The following TCF7L1 variants were observed in gnomAD, a reference collection of about 807,000 sequenced individuals.
The protein encoded by TCF7L1 is transcription factor 7-like 1.
In TCF7L1, 18 loss-of-function variants were observed where a neutral mutation model predicts 63.7. That is an observed-to-expected ratio of 0.28 (90% CI 0.20 to 0.42). TCF7L1 has a LOEUF of 0.42. Ranked by LOEUF, TCF7L1 falls within the 10% of genes least tolerant of loss-of-function variation. The pLI, the probability that TCF7L1 is intolerant of heterozygous loss-of-function variation, is 1.00. For missense variants in TCF7L1, 654 were observed against 779.3 expected (o/e 0.84, Z 1.91); for synonymous variants, 355 against 340.9 (o/e 1.04, Z -0.46).
chr2:85,300,185 T>G (rs1681937153), intron 4 of TCF7L1, among the ~76,000 whole-genome samples: 1 of 152,156 alleles, frequency 6.6e-6, no homozygotes, highest in South Asian at 2.1e-4. Context: ...GTGCTTCTAT[T>G]TAGCCTTTTT....
At position 85,306,358 on chromosome 2, in the gene TCF7L1, G is replaced by T; in HGVS notation, c.1142G>T (p.Gly381Val). 6.2e-7 allele frequency: 1 copy of T among 1,614,192 alleles called. No individual in the cohort carries two copies. Among genetic ancestry groups the T allele is most frequent in the Non-Finnish European group, 8.5e-7 (1 of 1,180,026 alleles). Residue 381 changes from glycine (G) to valine (V), a missense_variant, in exon 9 of 12, where the codon GGA (glycine) becomes GTA (valine). Physicochemically the swap from Gly to Val is moderately radical, Grantham distance 109. Around this residue, in one of 3 missense-constraint regions of TCF7L1, gnomAD observed 66 missense variants for 120.5 expected, o/e 0.55. Coordinates refer to ENST00000282111, the MANE Select transcript of TCF7L1 (RefSeq NM_031283.3). This position sits in a 1 kb window ranked among gnomAD's most constrained non-coding sequence, Gnocchi z 4.3. The part of the protein sequence containing the change: ...KESAAINQIL[G>V]RKWHNLSREE... ...AGTGCAGCCATTAACCAGATCCTTG[G>T]AAGAAAGGTAAGACCTGCCCTCTCC...
intron 3 of TCF7L1, among the ~76,000 whole-genome samples, chr2:85,280,019 A>C (rs1681372908): frequency 6.6e-6 from 1 of 152,230 alleles, no homozygotes; most frequent in Non-Finnish European, 1.5e-5. Context: ...CTTACTATGA[A>C]TGTGTGTACA....
At chr2:85,184,166 A>C (rs1483416403) in intron 3 of TCF7L1, among the ~76,000 whole-genome samples, 1 of 152,180 alleles carries the variant, frequency 6.6e-6, no homozygotes, top group Non-Finnish European at 1.5e-5. Context: ...CTTTGGGAAG[A>C]AAAGGAGGTG....
At chr2:85,258,160 G>A (rs1169862638) in intron 3 of TCF7L1, among the ~76,000 whole-genome samples, 49 of 152,164 alleles carry the variant, frequency 3.2e-4, no homozygotes, top group African/African-American at 2.4e-5. Flanking sequence ...AAAACCACAC[G>A]ACACAGTGTG....
intron 3 of TCF7L1, among the ~76,000 whole-genome samples, chr2:85,141,500 T>C (rs1478057817): frequency 1.3e-5 from 2 of 152,162 alleles, no homozygotes; most frequent in East Asian, 1.9e-4. Flanking sequence ...TCTATCCCGG[T>C]GTACCTTCCA....
At chr2:85,148,939 C>T (rs1277936674) in intron 3 of TCF7L1, among the ~76,000 whole-genome samples, 3 of 151,996 alleles carry the variant, frequency 2.0e-5, no homozygotes, top group African/African-American at 7.2e-5. Flanking sequence ...CCACCACACC[C>T]AGCTAATTTT....
chr2:85,262,148 A>G, intron 3 of TCF7L1: 1 of 546,798 alleles, frequency 1.8e-6, no homozygotes, highest in Non-Finnish European at 3.7e-6. Context: ...ATCTAATAAC[A>G]AGGTTCGTAT....
chr2:85,256,556 T>A (rs1227161544), intron 3 of TCF7L1, among the ~76,000 whole-genome samples: 1 of 152,240 alleles, frequency 6.6e-6, no homozygotes, highest in Non-Finnish European at 1.5e-5. Context: ...GCCTTGTGTG[T>A]GTAGGCGGGA....
chr2:85,161,528 G>C (rs1159011580), intron 3 of TCF7L1, among the ~76,000 whole-genome samples: 1 of 152,218 alleles, frequency 6.6e-6, no homozygotes, highest in Non-Finnish European at 1.5e-5. Context: ...TCCTGGGATG[G>C]GGATGGCTGG....
chr2:85,134,038 T>G lies in TCF7L1; in HGVS notation c.272T>G (p.Val91Gly). 1 of 1,611,024 alleles carries G rather than the reference T, an allele frequency of 6.2e-7. No homozygotes were observed. The highest frequency in any genetic ancestry group is 1.3e-5 in the African/African-American group (1 of 74,638). Residue 91 changes from valine to glycine, a missense_variant, in exon 2 of 12, where the codon GTC (valine) becomes GGC (glycine). Around this residue, in one of 3 missense-constraint regions of TCF7L1, gnomAD observed 404 missense variants for 454.8 expected, o/e 0.89. Transcript: ENST00000282111. The surrounding 1 kb of genome is among the most constrained non-coding windows in gnomAD (Gnocchi z 5.0). ...DSEAERRPQP[V>G]RDTFQKPRDY... Reference sequence around the variant, plus strand: ...CAGGCGGAGAGGCGCCCGCAGCCCGTCCGGGACACTTTCCAGAAGCCGCGG... The same window carrying G: ...CAGGCGGAGAGGCGCCCGCAGCCCGGCCGGGACACTTTCCAGAAGCCGCGG...
chr2:85,153,340 A>ATGTTTTTTTT (rs750002994), intron 3 of TCF7L1, among the ~76,000 whole-genome samples: 3 of 102,308 alleles, frequency 2.9e-5, no homozygotes, highest in African/African-American at 4.2e-5. Flanking sequence ...GCCTTTATAA[A>ATGTTTTTTTT]TTTTTTTTTT....
chr2:85,147,808 C>T (rs565555345), intron 3 of TCF7L1, among the ~76,000 whole-genome samples: 23 of 152,226 alleles, frequency 1.5e-4, no homozygotes, highest in African/African-American at 5.5e-4. Flanking sequence ...GCCCCACATC[C>T]TCGTGCATGT....
At chr2:85,302,377 G>T in intron 4 of TCF7L1, 107 bp from the exon 5 acceptor site, 1 of 1,483,766 alleles carries the variant, frequency 6.7e-7, no homozygotes, top group Non-Finnish European at 9.3e-7. Flanking sequence ...GGACTGAATG[G>T]GATGTTGCCT....
chr2:85,275,407 G>A (rs1681247710), intron 3 of TCF7L1, among the ~76,000 whole-genome samples: 1 of 152,156 alleles, frequency 6.6e-6, no homozygotes. Flanking sequence ...ATAGTTTTGA[G>A]ATCATCCACA....
At chr2:85,182,740 G>A (rs1276330394) in intron 3 of TCF7L1, among the ~76,000 whole-genome samples, 1 of 152,208 alleles carries the variant, frequency 6.6e-6, no homozygotes, top group Non-Finnish European at 1.5e-5. Context: ...CCCCATCACG[G>A]TCCAATGCAA....
At chr2:85,147,732 CA>C (rs886290125) in intron 3 of TCF7L1, among the ~76,000 whole-genome samples, 1 of 152,068 alleles carries the variant, frequency 6.6e-6, no homozygotes, top group African/African-American at 2.4e-5. Context: ...ATCTATACAC[CA>C]TATGTAATAA....
At chr2:85,179,911 C>T (rs1297411427) in intron 3 of TCF7L1, among the ~76,000 whole-genome samples, 4 of 152,172 alleles carry the variant, frequency 2.6e-5, no homozygotes, top group Non-Finnish European at 5.9e-5. Context: ...ACTTAAAGCT[C>T]TGTTCTTTGA....
chr2:85,270,309 CT>C (rs759858402), intron 3 of TCF7L1, among the ~76,000 whole-genome samples: 4 of 152,206 alleles, frequency 2.6e-5, no homozygotes, highest in Non-Finnish European at 5.9e-5. Flanking sequence ...GGTCAATGGA[CT>C]TTCTGCAAAT....
chr2:85,209,991 A>G (rs992808398), intron 3 of TCF7L1, among the ~76,000 whole-genome samples: 2 of 152,110 alleles, frequency 1.3e-5, no homozygotes, highest in African/African-American at 4.8e-5. Flanking sequence ...CTCTAAGGCA[A>G]TTGGATCTCC....
Sources: allele counts gnomAD v4.1 joint callset (sites outside exome capture counted in the v4.1 genomes callset), GRCh38; gene constraint gnomAD v4.1.1; regional missense constraint gnomAD v4.1.1; non-coding constraint Gnocchi (gnomAD v3.1); transcripts MANE v1.5; gene names NCBI Gene and HGNC (gene_info 2026-07-23, HGNC 2026-07-21).